The following GRAMD1B variants were observed in gnomAD, a reference collection of about 807,000 sequenced individuals.
GRAMD1B encodes protein Aster-B.
In GRAMD1B, 37 loss-of-function variants were observed where a neutral mutation model predicts 99.7. The ratio of observed to expected loss-of-function variants is 0.37; its 90% CI spans 0.29 to 0.49. The LOEUF (loss-of-function observed/expected upper bound fraction) is 0.49, where lower values mean the gene tolerates loss of function less well. GRAMD1B is among the 20% of genes least tolerant of loss of function. The probability of loss-of-function intolerance (pLI) is 0.98; values close to 1 mark genes in which losing one functional copy is unlikely to be tolerated. For synonymous variants in GRAMD1B, 427 were observed against 387.6 expected, an observed-to-expected ratio of 1.10 and a Z score of -1.19; for missense variants, 888 against 1,009.2, an observed-to-expected ratio of 0.88 and a Z score of 1.63.
intron 1 of GRAMD1B, among the ~76,000 whole-genome samples, chr11:123,433,681 T>C (rs1291193685): frequency 3.3e-5 from 1 of 30,474 alleles, no homozygotes; most frequent in Non-Finnish European, 6.2e-5. Flanking sequence ...GTTACGTGCG[T>C]GTGTGTGTGT....
At chr11:123,511,457 T>C (rs1180088755) in intron 2 of GRAMD1B, among the ~76,000 whole-genome samples, 3 of 152,104 alleles carry the variant, frequency 2.0e-5, no homozygotes, top group African/African-American at 4.8e-5. Context: ...AAATCTCTCC[T>C]GGCTCCTGCT....
chr11:123,571,685 C>T (rs1470241512), intron 2 of GRAMD1B, among the ~76,000 whole-genome samples: 2 of 152,122 alleles, frequency 1.3e-5, no homozygotes, highest in Non-Finnish European at 2.9e-5. Flanking sequence ...TGAATGAGAG[C>T]TGATGATTTC....
intron 1 of GRAMD1B, among the ~76,000 whole-genome samples, chr11:123,373,660 G>A (rs1383014511): frequency 6.6e-6 from 1 of 152,144 alleles, no homozygotes; most frequent in East Asian, 1.9e-4. Flanking sequence ...TACTTAGGTG[G>A]GAGAAGGTTA....
chr11:123,432,617 G>A (rs1483944413), intron 1 of GRAMD1B, among the ~76,000 whole-genome samples: 1 of 152,088 alleles, frequency 6.6e-6, no homozygotes, highest in Non-Finnish European at 1.5e-5. Context: ...GTGCTGTGTG[G>A]TACTGATTGT....
Position 123,431,116 on chromosome 11 carries a change from C to T in GRAMD1B, c.324C>T (p.Leu108=), listed in dbSNP as rs549134491. The change falls in exon 1 of 20, where the codon CTC becomes CTT. Residue 108 remains leucine, a synonymous_variant. Transcript: ENST00000635736. ...PSASPRRKRF[L]LRKWLRVRER... ...CGTCCCCGCGCCGAAAACGCTTCCT[C>T]CTCCGCAAGTGGCTGAGGGTGAGGG... The T allele has an allele frequency of 1.3e-4, 92 of 703,072 alleles. No homozygotes were observed. In the African/African-American group the frequency reaches 1.6e-3, roughly 12 times the overall value. 43.6% of individuals were successfully genotyped at this position (703,072 alleles called of 1,614,324 possible).
intron 1 of GRAMD1B, among the ~76,000 whole-genome samples, chr11:123,470,861 T>C (rs1950983282): frequency 6.6e-6 from 1 of 152,108 alleles, no homozygotes; most frequent in African/African-American, 2.4e-5. Flanking sequence ...CTGGGTTTGA[T>C]CCATACCAGT....
At chr11:123,485,516 CGTAGGTTGAAGGACT>C (rs1427290825) in intron 2 of GRAMD1B, among the ~76,000 whole-genome samples, 1 of 152,036 alleles carries the variant, frequency 6.6e-6, no homozygotes, top group Non-Finnish European at 1.5e-5. Flanking sequence ...AGGAGTAGAG[CGTAGGTTGAAGGACT>C]GTGACATACA....
At chr11:123,565,842 G>A (rs888431796) in intron 2 of GRAMD1B, among the ~76,000 whole-genome samples, 1 of 152,212 alleles carries the variant, frequency 6.6e-6, no homozygotes, top group African/African-American at 2.4e-5. Context: ...TTAGGCGTTT[G>A]TTCTGTTGTG....
At chr11:123,467,535 C>T (rs1036053468) in intron 1 of GRAMD1B, among the ~76,000 whole-genome samples, 5 of 151,520 alleles carry the variant, frequency 3.3e-5, no homozygotes, top group African/African-American at 7.3e-5. Flanking sequence ...GAGAATTGGA[C>T]CACAACTTTG....
At chr11:123,366,488 G>A (rs1223485931) in intron 1 of GRAMD1B, among the ~76,000 whole-genome samples, 1 of 152,268 alleles carries the variant, frequency 6.6e-6, no homozygotes, top group Non-Finnish European at 1.5e-5. Flanking sequence ...TCTGTCTGAA[G>A]CCTGATATCT....
In GRAMD1B at chr11:123,614,555, C is replaced by T. The variant is rs1378244348; in HGVS notation, c.2228-190C>T. Reference sequence around the variant, plus strand: ...TGTTCAATGATGACCTGACCCAACCCATGACCTTGCCCTTGAGGATTTTAC... The same window carrying T: ...TGTTCAATGATGACCTGACCCAACCTATGACCTTGCCCTTGAGGATTTTAC... On this transcript the variant is annotated intron_variant, in intron 16 of 19. Coordinates refer to ENST00000635736, the MANE Select transcript of GRAMD1B (RefSeq NM_001387025.1). Among the ~76,000 whole-genome samples, 7 of 152,320 alleles carry T rather than the reference C, an allele frequency of 4.6e-5. No individual in the cohort carries two copies. The East Asian group carries it at 1.4e-3, about 29-fold the overall frequency.
chr11:123,421,209 C>A (rs933244080), intron 1 of GRAMD1B, among the ~76,000 whole-genome samples: 5 of 152,092 alleles, frequency 3.3e-5, no homozygotes, highest in Non-Finnish European at 7.4e-5. Flanking sequence ...CATTCTATAC[C>A]TTTTATGCAA....
chr11:123,365,516 T>G (rs1262520411), intron 1 of GRAMD1B, among the ~76,000 whole-genome samples: 3 of 152,240 alleles, frequency 2.0e-5, no homozygotes, highest in African/African-American at 7.2e-5. Context: ...CCTCCCAAAG[T>G]GTTGGGATTA....
rs140732433 is a variant in GRAMD1B at position 123,451,837 on chromosome 11, T to TTATATATA, written c.374+20677_374+20684dup. On this transcript the variant is annotated intron_variant, in intron 1 of 19. Transcript: ENST00000635736. ...ATTCATTCATTTGTTTGACAGCAGATTATATATATATATGTATGTATGGTG... is the reference window on the plus strand; with the variant it reads ...ATTCATTCATTTGTTTGACAGCAGATTATATATATATATATATATATGTATGTATGGTG... Among the ~76,000 whole-genome samples the TTATATATA allele has an allele frequency of 8.5e-3, 1,266 of 149,044 alleles. 7 individuals are homozygous for TTATATATA. The highest frequency in any genetic ancestry group is 0.024 in the Middle Eastern group (7 of 290).
At chr11:123,464,557 A>T (rs1472254315) in intron 1 of GRAMD1B, among the ~76,000 whole-genome samples, 1 of 152,006 alleles carries the variant, frequency 6.6e-6, no homozygotes, top group Non-Finnish European at 1.5e-5. Flanking sequence ...ATAGAGTGGG[A>T]TGTCAGTAGT....
At chr11:123,525,717 C>G (rs1329846556) in intron 2 of GRAMD1B, 3 of 198,728 alleles carry the variant, frequency 1.5e-5, no homozygotes, top group Non-Finnish European at 3.1e-5. Context: ...CTCCCAGGGT[C>G]TCCTTGGCTT....
intron 2 of GRAMD1B, among the ~76,000 whole-genome samples, chr11:123,574,408 A>G (rs1347955938): frequency 6.6e-6 from 1 of 152,152 alleles, no homozygotes; most frequent in African/African-American, 2.4e-5. Flanking sequence ...GCTGTGAGTG[A>G]GTAGGAAGAG....
intron 1 of GRAMD1B, among the ~76,000 whole-genome samples, chr11:123,411,335 T>C (rs1233496180): frequency 1.3e-5 from 2 of 152,104 alleles, no homozygotes; most frequent in Non-Finnish European, 2.9e-5. Context: ...ATGTGTTCAT[T>C]GAGGGCAGGA....
At chr11:123,400,802 C>A (rs1044230056) in intron 1 of GRAMD1B, among the ~76,000 whole-genome samples, 2 of 152,124 alleles carry the variant, frequency 1.3e-5, no homozygotes, top group African/African-American at 2.4e-5. Context: ...ATATGGTTTG[C>A]ATATATGTTC....
Sources: allele counts gnomAD v4.1 joint callset (sites outside exome capture counted in the v4.1 genomes callset), GRCh38; gene constraint gnomAD v4.1.1; transcripts MANE v1.5; gene names NCBI Gene and HGNC (gene_info 2026-07-23, HGNC 2026-07-21).